Variants in COL16A1 observed in about 807,000 individuals in gnomAD.
COL16A1 encodes collagen alpha-1(XVI) chain.
A neutral mutation model predicts 266.3 loss-of-function variants in COL16A1; 189 were observed. The ratio of observed to expected loss-of-function variants is 0.71; its 90% confidence interval spans 0.63 to 0.80. The LOEUF (loss-of-function observed/expected upper bound fraction) is 0.80, where lower values mean the gene tolerates loss of function less well. Ranked by LOEUF, COL16A1 falls within the 30% of genes least tolerant of loss-of-function variation. COL16A1 has a pLI of 0.00. For synonymous variants in COL16A1, 740 were observed against 782.3 expected (o/e 0.95, Z 0.90); for missense variants, 1,928 against 2,122.4 (o/e 0.91, Z 1.80).
intron 41 of COL16A1, 48 bp from the exon 42 acceptor site, chr1:31,679,733 T>G (rs1316034919): frequency 1.9e-6 from 3 of 1,611,450 alleles, no homozygotes; most frequent in East Asian, 4.5e-5. Context: ...CTCTGCCCCA[T>G]GGCCGAGAGC....
In COL16A1 at chr1:31,696,117, T is replaced by G. The variant is rs748883271; in HGVS notation, c.889A>C (p.Ile297Leu). 1 of 1,612,696 alleles carries G rather than the reference T, an allele frequency of 6.2e-7. No homozygotes were observed. Among genetic ancestry groups the G allele is most frequent in the Non-Finnish European group, 8.5e-7 (1 of 1,179,572 alleles). Residue 297 changes from isoleucine to leucine, a missense_variant, in exon 9 of 71, where the codon ATC (isoleucine) becomes CTC (leucine). By Grantham distance (5) the Ile-to-Leu change is conservative. Around this residue, in one of 2 missense-constraint regions of COL16A1, gnomAD observed 1,552 missense variants for 1,637.2 expected, o/e 0.95. Transcript: ENST00000373672. ...SEVDAQLTGR[I>L]SQKAERGAKV... ...GCTCCCCTTTCTGCCTTCTGGCTGA[T>G]TCTTCCCGTCAGCTGGGCATCCACC...
intron 8 of COL16A1, among the ~76,000 whole-genome samples, 182 bp from the exon 9 acceptor site, chr1:31,696,323 T>TTG (rs1644497825): frequency 7.3e-6 from 1 of 136,532 alleles, no homozygotes; most frequent in African/African-American, 2.8e-5. Context: ...TCCCCCTCCT[T>TTG]CCCCCCCCAC....
chr1:31,685,533 A>AC lies in COL16A1; in HGVS notation c.2016+105dup. 2 of 1,348,956 alleles carry AC rather than the reference A, an allele frequency of 1.5e-6. No homozygotes were observed. The highest frequency in any genetic ancestry group is 2.4e-5 in the East Asian group (1 of 41,246). The allele number at this position is 1,348,956 out of a possible 1,614,324, so 83.6% of individuals were successfully genotyped here. ...CTGACCCCGCCACACCCTCCCCACT[A>AC]CCCCCAACTGCCCAGGGAGTCAAGA... On this transcript the variant is annotated intron_variant, in intron 29 of 70. Coordinates refer to ENST00000373672, the MANE Select transcript of COL16A1 (RefSeq NM_001856.4). The surrounding 1 kb of genome is among the most constrained non-coding windows in gnomAD (Gnocchi z 4.0).
chr1:31,683,405 C>A (rs746046713), intron 34 of COL16A1, 36 bp from the exon 35 acceptor site: 6 of 1,612,940 alleles, frequency 3.7e-6, no homozygotes, highest in Non-Finnish European at 2.5e-6. Context: ...GGCACAGCAG[C>A]CACAGCCAAC....
Position 31,700,067 on chromosome 1 carries a change from C to A in COL16A1, c.122G>T (p.Ser41Ile), listed in dbSNP as rs747150143. ...SQQEGLKLEH[S>I]SSLPANVTGF... ...AGTCACGTTGGCTGGCAGGCTACTA[C>A]TGTGTTCCAATTTGAGTCCTTCCTG... The change falls in exon 3 of 71, where the codon AGT (serine) becomes ATT (isoleucine). Residue 41 changes from serine (S) to isoleucine (I), a missense_variant. Ser to Ile is a moderately radical substitution (Grantham distance 142, BLOSUM62 -2). This residue lies in a region of COL16A1 where 1,552 missense variants were observed against 1,637.2 expected (regional missense o/e 0.95). Transcript: ENST00000373672. The A allele has an allele frequency of 6.2e-7, 1 of 1,614,154 alleles. No individual in the cohort carries two copies. The highest frequency in any genetic ancestry group is 2.2e-5 in the East Asian group (1 of 44,868).
At chr1:31,672,884 G>C (rs763558124) in intron 44 of COL16A1, 44 bp from the exon 45 acceptor site, 72 of 1,578,924 alleles carry the variant, frequency 4.6e-5, no homozygotes, top group Non-Finnish European at 5.8e-5. Flanking sequence ...GGTTAGAGAT[G>C]GGCAGGATGG....
intron 26 of COL16A1, among the ~76,000 whole-genome samples, chr1:31,687,575 G>A (rs56234185): frequency 6.6e-6 from 1 of 151,644 alleles, no homozygotes; most frequent in African/African-American, 2.4e-5. Flanking sequence ...AGAAGTGGAG[G>A]GGGTGAGAGA....
intron 22 of COL16A1, 55 bp downstream of exon 22, chr1:31,690,312 G>T: frequency 6.2e-7 from 1 of 1,610,906 alleles, no homozygotes; most frequent in Admixed American, 1.7e-5. Context: ...ACTGTCATGT[G>T]CAGAAAGGGG....
intron 52 of COL16A1, 156 bp from the exon 53 acceptor site, chr1:31,666,237 T>A: frequency 1.3e-6 from 1 of 780,556 alleles, no homozygotes; most frequent in Non-Finnish European, 2.0e-6. Context: ...CAGGCTTCCC[T>A]GCTCTTGCCC....
intron 32 of COL16A1, 36 bp downstream of exon 32, chr1:31,684,073 C>T (rs756358165): frequency 6.2e-7 from 1 of 1,611,536 alleles, no homozygotes; most frequent in South Asian, 1.1e-5. Context: ...GGAGGCAAAG[C>T]CCAGGCAGGG....
Position 31,654,846 on chromosome 1 carries a change from T to C in COL16A1, c.4303A>G (p.Asn1435Asp). The change falls in exon 68 of 71, where the codon AAT (asparagine) becomes GAT (aspartate). Residue 1435 changes from asparagine to aspartate, a missense_variant. Asn to Asp is a conservative substitution (Grantham distance 23, BLOSUM62 1). Around this residue, in one of 2 missense-constraint regions of COL16A1, gnomAD observed 376 missense variants for 485.2 expected, o/e 0.77. Coordinates refer to ENST00000373672, the MANE Select transcript of COL16A1 (RefSeq NM_001856.4). ...GVPGSMGDMV[N>D]YDEIKRFIRQ... ...ATGAACCTCTTGATTTCATCATAAT[T>C]CACCATGTCTCCCTGAAGAAAGAGA... 6.2e-7 allele frequency: 1 copy of C among 1,614,076 alleles called. No individual in the cohort carries two copies. Among genetic ancestry groups the C allele is most frequent in the Non-Finnish European group, 8.5e-7 (1 of 1,180,014 alleles).
chr1:31,656,523 G>T lies in COL16A1; in HGVS notation c.4057-79C>A. 1.9e-6 allele frequency: 3 copies of T among 1,565,880 alleles called. No individual in the cohort carries two copies. Among genetic ancestry groups the T allele is most frequent in the African/African-American group, 1.4e-5 (1 of 73,764 alleles). ...CTGGGGAGGCAGGTGCAGTGAAGAGGCCCCTTCCACAGCCTGAGGCCCCCA... is the reference window on the plus strand; with the variant it reads ...CTGGGGAGGCAGGTGCAGTGAAGAGTCCCCTTCCACAGCCTGAGGCCCCCA... On this transcript the variant is annotated intron_variant, in intron 65 of 70. Transcript: ENST00000373672. This position sits in a 1 kb window ranked among gnomAD's most constrained non-coding sequence, Gnocchi z 4.2.
rs570570828 is a variant in COL16A1 at position 31,668,803 on chromosome 1, G to A, written c.3248C>T (p.Pro1083Leu). The A allele has an allele frequency of 2.6e-5, 42 of 1,613,590 alleles. No homozygotes were observed. Among genetic ancestry groups the A allele is most frequent in the South Asian group, 4.4e-5 (4 of 91,072 alleles). ...CAGCCCCTGCCAGCTTCTTCTTACC[G>A]GCTCCCCCTTGTCTCCAGTCAGGCC... The part of the protein sequence containing the change: ...LTGLTGDKGE[P>L]GPPGQPGYPG... The change falls in exon 50 of 71, where the codon CCG (proline) becomes CTG (leucine). Residue 1083 changes from proline (P) to leucine (L), a missense_variant and splice_region_variant. By Grantham distance (98) the Pro-to-Leu change is moderately conservative. Transcript: ENST00000373672. This position sits in a 1 kb window ranked among gnomAD's most constrained non-coding sequence, Gnocchi z 5.8.
At chr1:31,658,859 A>C (rs553588062) in intron 63 of COL16A1, 55 bp downstream of exon 63, 1 of 1,536,606 alleles carries the variant, frequency 6.5e-7, no homozygotes, top group African/African-American at 1.4e-5. Context: ...TGGAGCCCAC[A>C]GTCAAGCAGG....
At chr1:31,681,573 G>A (rs1165800552) in intron 37 of COL16A1, among the ~76,000 whole-genome samples, 1 of 152,238 alleles carries the variant, frequency 6.6e-6, no homozygotes, top group Non-Finnish European at 1.5e-5. Flanking sequence ...CTTGCCTAGG[G>A]TCACGCCCCT....
rs1320085026 is a variant in COL16A1 at position 31,667,592 on chromosome 1, C to G, written c.3340G>C (p.Gly1114Arg). ...KGERGYTGSA[G>R]EKGEPGPPGS... ...GGACTCACCGGCTCTCCTTTCTCTCCCGCTGACCCGGTGTAGCCACGCTCC... is the reference window on the plus strand; with the variant it reads ...GGACTCACCGGCTCTCCTTTCTCTCGCGCTGACCCGGTGTAGCCACGCTCC... Residue 1114 changes from glycine to arginine, a missense_variant, in exon 52 of 71, where the codon GGA becomes CGA. Coordinates refer to ENST00000373672, the MANE Select transcript of COL16A1 (RefSeq NM_001856.4). 6.2e-7 allele frequency: 1 copy of G among 1,602,122 alleles called. No individual in the cohort carries two copies. The highest frequency in any genetic ancestry group is 8.5e-7 in the Non-Finnish European group (1 of 1,175,016).
intron 70 of COL16A1, chr1:31,653,331 C>T: frequency 2.5e-6 from 1 of 394,022 alleles, no homozygotes; most frequent in African/African-American, 2.0e-5. Flanking sequence ...AGAACTTGAA[C>T]TCGAGTTCCT....
chr1:31,699,719 G>C (rs1441629383), intron 4 of COL16A1, 94 bp downstream of exon 4: 2 of 833,118 alleles, frequency 2.4e-6, no homozygotes, highest in Non-Finnish European at 4.0e-6. Flanking sequence ...ATGACCCACA[G>C]ACAGGCCCCT....
In COL16A1 at chr1:31,698,507, C is replaced by A; in HGVS notation, c.366G>T (p.Val122=). 1 of 1,614,148 alleles carries A rather than the reference C, an allele frequency of 6.2e-7. No individual in the cohort carries two copies. The highest frequency in any genetic ancestry group is 8.5e-7 in the Non-Finnish European group (1 of 1,180,030). The change falls in exon 5 of 71, where the codon GTG becomes GTT. Residue 122 remains valine, a synonymous_variant. Coordinates refer to ENST00000373672, the MANE Select transcript of COL16A1 (RefSeq NM_001856.4). The surrounding 1 kb of genome is among the most constrained non-coding windows in gnomAD (Gnocchi z 4.1). ...THQKTWYLFQ[V]TDANGYPQIS... is the part of the protein sequence containing the mutation. Reference sequence around the variant, plus strand: ...CCTGTGGATACCCATTTGCATCGGTCACTTGAAACAGATACCACGTCTTCT... The same window carrying A: ...CCTGTGGATACCCATTTGCATCGGTAACTTGAAACAGATACCACGTCTTCT...
Sources: allele counts gnomAD v4.1 joint callset (sites outside exome capture counted in the v4.1 genomes callset), GRCh38; gene constraint gnomAD v4.1.1; regional missense constraint gnomAD v4.1.1; non-coding constraint Gnocchi (gnomAD v3.1); transcripts MANE v1.5; gene names NCBI Gene and HGNC (gene_info 2026-07-23, HGNC 2026-07-21).